XYLT1: variants seen among roughly 807,000 people sequenced by gnomAD.
XYLT1 encodes the protein xylosyltransferase 1.
XYLT1 carries 36 observed loss-of-function variants against 91.3 expected under a neutral mutation model. The observed-to-expected ratio is 0.39, with a 90% CI of 0.30 to 0.52. The LOEUF (loss-of-function observed/expected upper bound fraction) is 0.52. Ranked by LOEUF, XYLT1 falls within the 20% of genes least tolerant of loss-of-function variation. The pLI, the probability that XYLT1 is intolerant of heterozygous loss-of-function variation, is 0.68. For missense variants in XYLT1, 1,242 were observed against 1,284.5 expected (o/e 0.97, Z 0.51); for synonymous variants, 588 against 532.0 (o/e 1.11, Z -1.45).
chr16:17,171,773 T>C (rs2031825631), intron 5 of XYLT1, among the ~76,000 whole-genome samples: 1 of 152,146 alleles, frequency 6.6e-6, no homozygotes, highest in Non-Finnish European at 1.5e-5. Context: ...TCAGTAGAGG[T>C]TTCCTTACTG....
intron 1 of XYLT1, among the ~76,000 whole-genome samples, chr16:17,436,832 C>T (rs2036464891): frequency 6.6e-6 from 1 of 152,194 alleles, no homozygotes; most frequent in African/African-American, 2.4e-5. Flanking sequence ...TACAGAAGAG[C>T]AAGGTCTTCT....
rs1475481565 is a variant in XYLT1, at chr16:17,328,214, AG to A, written c.402+29797del. Among the ~76,000 whole-genome samples the A allele has an allele frequency of 2.0e-5, 3 of 152,080 alleles. No individual in the cohort carries two copies. The East Asian group carries it at 5.8e-4, about 29-fold the overall frequency. On this transcript the variant is annotated intron_variant, in intron 2 of 11. Coordinates refer to ENST00000261381, the MANE Select transcript of XYLT1 (RefSeq NM_022166.4). Reference sequence around the variant, plus strand: ...ATGAATGAGATTATTTCTAGGGTTGAGAAGCAGGGCCAGCTGATTGTCACAA... The same window carrying A: ...ATGAATGAGATTATTTCTAGGGTTGAAAGCAGGGCCAGCTGATTGTCACAA...
Position 17,357,916 on chromosome 16 carries a change from T to C in XYLT1, c.402+96A>G, listed in dbSNP as rs965366226. 58 of 1,367,626 alleles carry C rather than the reference T, an allele frequency of 4.2e-5. 1 individual carries two copies. The highest frequency in any genetic ancestry group is 1.3e-4 in the South Asian group (10 of 78,192). 84.7% of individuals were successfully genotyped at this position (1,367,626 alleles called of 1,614,324 possible). ...ATCCAAATGGGACCAGGGGCAGCCA[T>C]GGGCCTGTCCAGCCTTTCAGAGCCA... On this transcript the variant is annotated intron_variant, in intron 2 of 11. Transcript: ENST00000261381.
chr16:17,182,315 T>A (rs1221846985), intron 5 of XYLT1, among the ~76,000 whole-genome samples: 1 of 152,190 alleles, frequency 6.6e-6, no homozygotes, highest in Non-Finnish European at 1.5e-5. Flanking sequence ...TAGATGCTGG[T>A]GAGGCCTCTC....
chr16:17,151,640 T>C (rs1045635407), intron 6 of XYLT1, among the ~76,000 whole-genome samples: 1 of 152,148 alleles, frequency 6.6e-6, no homozygotes, highest in African/African-American at 2.4e-5. Flanking sequence ...CCAGTTATTA[T>C]TGCTGCCCTG....
intron 5 of XYLT1, among the ~76,000 whole-genome samples, chr16:17,164,859 G>A (rs1321219095): frequency 6.6e-6 from 1 of 152,156 alleles, no homozygotes; most frequent in Non-Finnish European, 1.5e-5. Flanking sequence ...CAACTGTCCT[G>A]GTTTGCCCAG....
At chr16:17,167,217 T>G (rs1252944870) in intron 5 of XYLT1, among the ~76,000 whole-genome samples, 1 of 152,248 alleles carries the variant, frequency 6.6e-6, no homozygotes, top group Non-Finnish European at 1.5e-5. Flanking sequence ...TCCATTTCTG[T>G]AGACAGAGGC....
At chr16:17,414,685 G>C (rs1439031174) in intron 1 of XYLT1, among the ~76,000 whole-genome samples, 1 of 152,170 alleles carries the variant, frequency 6.6e-6, no homozygotes, top group Admixed American at 6.5e-5. Context: ...ACAAATCTTA[G>C]AGGAGTGGCG....
At chr16:17,111,219 G>GT (rs1205262408) in intron 11 of XYLT1, among the ~76,000 whole-genome samples, 1 of 152,118 alleles carries the variant, frequency 6.6e-6, no homozygotes, top group Non-Finnish European at 1.5e-5. Context: ...TAACATGTAC[G>GT]TAAGAGTGAC....
At chr16:17,172,466 CTTTTT>C (rs1157952692) in intron 5 of XYLT1, among the ~76,000 whole-genome samples, 19 of 102,632 alleles carry the variant, frequency 1.9e-4, no homozygotes, top group African/African-American at 6.8e-4. Context: ...GCGTTCATTT[CTTTTT>C]TTTTTTTTTT....
chr16:17,382,748 C>T (rs555095446), intron 1 of XYLT1, among the ~76,000 whole-genome samples: 88 of 151,946 alleles, frequency 5.8e-4, no homozygotes, highest in Non-Finnish European at 5.4e-4. Context: ...GATAACAGTC[C>T]CCATACTCCA....
intron 6 of XYLT1, among the ~76,000 whole-genome samples, chr16:17,157,147 C>T (rs2031426656): frequency 6.6e-6 from 1 of 152,026 alleles, no homozygotes; most frequent in South Asian, 2.1e-4. Flanking sequence ...GGGGTTTTAC[C>T]ATGTTGGCCA....
chr16:17,381,394 A>G (rs2035678418), intron 1 of XYLT1, among the ~76,000 whole-genome samples: 1 of 151,964 alleles, frequency 6.6e-6, no homozygotes, highest in African/African-American at 2.4e-5. Context: ...ACAAAAAAGA[A>G]AAAAAAGAAC....
intron 11 of XYLT1, among the ~76,000 whole-genome samples, chr16:17,112,761 G>A (rs1432277951): frequency 6.6e-6 from 1 of 151,838 alleles, no homozygotes; most frequent in East Asian, 2.0e-4. Flanking sequence ...AAGAAAACAT[G>A]AGGTCTCTGT....
At chr16:17,452,537 T>C (rs1034187596) in intron 1 of XYLT1, among the ~76,000 whole-genome samples, 5 of 152,192 alleles carry the variant, frequency 3.3e-5, no homozygotes, top group African/African-American at 1.2e-4. Context: ...AGTTTTCCTC[T>C]GGGCACAGTT....
intron 5 of XYLT1, among the ~76,000 whole-genome samples, chr16:17,172,466 CTTT>C (rs1157952692): frequency 2.9e-5 from 3 of 102,628 alleles, no homozygotes; most frequent in South Asian, 3.1e-4. Context: ...GCGTTCATTT[CTTT>C]TTTTTTTTTT....
rs1263914478 is a variant in XYLT1, at chr16:17,185,130, TAA to T, written c.1289+13080_1289+13081del. Among the ~76,000 whole-genome samples, 481 of 152,194 alleles carry T rather than the reference TAA, an allele frequency of 3.2e-3. 2 individuals carry two copies. The highest frequency in any genetic ancestry group is 0.011 in the African/African-American group (469 of 41,534). Reference sequence around the variant, plus strand: ...GGTCACTTCTGGCCTTAAGAAGGCTTAAAGAGCTGACCAGCCTAAAATACAGC... The same window carrying T: ...GGTCACTTCTGGCCTTAAGAAGGCTTAGAGCTGACCAGCCTAAAATACAGC... On this transcript the variant is annotated intron_variant, in intron 5 of 11. Coordinates refer to ENST00000261381, the MANE Select transcript of XYLT1 (RefSeq NM_022166.4).
At chr16:17,143,352 T>C in intron 6 of XYLT1, among the ~76,000 whole-genome samples, 1 of 152,114 alleles carries the variant, frequency 6.6e-6, no homozygotes. Context: ...TGCTGGCCCA[T>C]GGTACAGGTC....
At chr16:17,351,680 C>T (rs562702148) in intron 2 of XYLT1, among the ~76,000 whole-genome samples, 1 of 151,348 alleles carries the variant, frequency 6.6e-6, no homozygotes, top group African/African-American at 2.4e-5. Context: ...AATAAACTGT[C>T]CTCAGAACAA....
Sources: gnomAD v4.1 joint callset for allele counts (sites outside exome capture counted in the v4.1 genomes callset) on GRCh38, gnomAD v4.1.1 for gene constraint, MANE v1.5 for transcripts, NCBI Gene and HGNC (gene_info 2026-07-23, HGNC 2026-07-21) for gene names.